The following ZNF292 variants were observed in gnomAD, a reference collection of about 807,000 sequenced individuals.
ZNF292 encodes zinc finger protein 292, also known as 16 zinc-finger domain protein.
Under a neutral mutation model 217.9 loss-of-function variants are expected in ZNF292, and 26 were observed. That is an observed-to-expected ratio of 0.12 (90% confidence interval 0.09 to 0.17). The LOEUF (loss-of-function observed/expected upper bound fraction) is 0.17. Among genes scored for constraint, ZNF292 ranks in the 10% least tolerant of loss-of-function variants. ZNF292 has a pLI of 1.00. For synonymous variants in ZNF292, 1,257 were observed against 1,124.1 expected (o/e 1.12, Z -2.37); for missense variants, 2,904 against 3,175.2 (o/e 0.91, Z 2.05).
chr6:87,194,080 T>C (rs1771893117), intron 1 of ZNF292, among the ~76,000 whole-genome samples: 2 of 152,090 alleles, frequency 1.3e-5, no homozygotes, highest in South Asian at 2.1e-4. Context: ...TAGGGAGAAT[T>C]GGAGCACGGG....
At chr6:87,234,028 T>G (rs189336132) in intron 5 of ZNF292, among the ~76,000 whole-genome samples, 1 of 152,332 alleles carries the variant, frequency 6.6e-6, no homozygotes, top group East Asian at 1.9e-4. Flanking sequence ...AAAACCTTAT[T>G]TTCTCTCTGA....
chr6:87,179,735 C>A (rs936981190), intron 1 of ZNF292, among the ~76,000 whole-genome samples: 31 of 151,996 alleles, frequency 2.0e-4, no homozygotes, highest in Admixed American at 2.6e-4. Context: ...AGTGTACATC[C>A]TCTGTTTGGA....
rs990046931 is a variant in ZNF292 at position 87,196,047 on chromosome 6, G to GA, written c.169-19847dup. Among the ~76,000 whole-genome samples the GA allele has an allele frequency of 4.0e-5, 6 of 149,206 alleles. No homozygotes were observed. In the East Asian group the frequency reaches 7.8e-4, roughly 19 times the overall value. Reference sequence around the variant, plus strand: ...CGTCTCAAAAAAAAAAAAACAAAAAGAAAAAAAAATTGAGAATTAGGATGT... The same window carrying GA: ...CGTCTCAAAAAAAAAAAAACAAAAAGAAAAAAAAAATTGAGAATTAGGATGT... On this transcript the variant is annotated intron_variant, in intron 1 of 7. Transcript: ENST00000369577.
At chr6:87,184,838 A>T (rs1080595) in intron 1 of ZNF292, among the ~76,000 whole-genome samples, 96,344 of 152,010 alleles carry the variant, frequency 0.63, 32,199 homozygotes, top group African/African-American at 0.86. Context: ...AGTCCTGGAG[A>T]ACAAAGGCCC....
rs1383007536 is a variant in ZNF292 at position 87,258,123 on chromosome 6, C to T, written c.4494C>T (p.Gly1498=). The T allele has an allele frequency of 1.9e-6, 3 of 1,612,318 alleles. No individual in the cohort carries two copies. Among genetic ancestry groups the T allele is most frequent in the Non-Finnish European group, 2.5e-6 (3 of 1,179,206 alleles). The change falls in exon 8 of 8, where the codon GGC becomes GGT. Residue 1498 remains glycine (G), a synonymous_variant. Transcript: ENST00000369577. ...TTAAACAGGCTTTGGAAACTGCTGG[C>T]ATTCCCAGTACATTTGAGGGTGCCG... ...EIIKQALETA[G]IPSTFEGAEM...
At chr6:87,190,315 T>C (rs1034282963) in intron 1 of ZNF292, among the ~76,000 whole-genome samples, 2 of 152,216 alleles carry the variant, frequency 1.3e-5, no homozygotes, top group Admixed American at 1.3e-4. Context: ...TAATGAACAT[T>C]GTCTTAGAAG....
chr6:87,224,075 C>A (rs1326697135), intron 4 of ZNF292: 2 of 152,184 alleles, frequency 1.3e-5, no homozygotes, highest in African/African-American at 2.4e-5. Context: ...TAGCTTTTTC[C>A]ACCATTGGCC....
At chr6:87,180,070 T>G (rs1442770759) in intron 1 of ZNF292, among the ~76,000 whole-genome samples, 2 of 152,242 alleles carry the variant, frequency 1.3e-5, no homozygotes, top group Non-Finnish European at 2.9e-5. Context: ...GTCCAATGTC[T>G]TGGCTTCCCT....
chr6:87,174,853 G>A (rs1051054357), intron 1 of ZNF292, among the ~76,000 whole-genome samples: 3 of 152,136 alleles, frequency 2.0e-5, no homozygotes, highest in African/African-American at 7.2e-5. Flanking sequence ...TGAAATTTAT[G>A]CAAATATACT....
chr6:87,224,402 G>A (rs1483837368), intron 4 of ZNF292, among the ~76,000 whole-genome samples: 1 of 149,942 alleles, frequency 6.7e-6, no homozygotes, highest in Non-Finnish European at 1.5e-5. Flanking sequence ...TGAAAATAGT[G>A]TCGTGTGTCC....
At chr6:87,219,795 G>A (rs1772986074) in intron 4 of ZNF292, among the ~76,000 whole-genome samples, 1 of 152,108 alleles carries the variant, frequency 6.6e-6, no homozygotes, top group Admixed American at 6.5e-5. Flanking sequence ...ACCTTGGAAG[G>A]AGATCCTTTC....
At chr6:87,240,044 C>T (rs1012764798) in intron 5 of ZNF292, among the ~76,000 whole-genome samples, 1 of 152,156 alleles carries the variant, frequency 6.6e-6, no homozygotes, top group African/African-American at 2.4e-5. Flanking sequence ...CAGACCACTG[C>T]ACTCCAGCCT....
chr6:87,248,158 G>A (rs971506168), intron 7 of ZNF292, among the ~76,000 whole-genome samples: 3 of 152,146 alleles, frequency 2.0e-5, no homozygotes, highest in African/African-American at 7.2e-5. Context: ...CTGAGATGCA[G>A]CATGATAACA....
At chr6:87,161,240 T>G (rs980267825) in intron 1 of ZNF292, among the ~76,000 whole-genome samples, 3 of 152,190 alleles carry the variant, frequency 2.0e-5, no homozygotes, top group African/African-American at 7.2e-5. Context: ...CATTTTGATA[T>G]AATAAATTCT....
At position 87,158,252 on chromosome 6, in the gene ZNF292, A is replaced by G. The variant is rs559621562; in HGVS notation, c.168+2493A>G. ...CACTTAAAAGTAATCTCCATTTGAA[A>G]CGATACAGAGTGTGTCTGATTTCCT... On this transcript the variant is annotated intron_variant, in intron 1 of 7. Coordinates refer to ENST00000369577, the MANE Select transcript of ZNF292 (RefSeq NM_015021.3). 1.7e-4 allele frequency among the ~76,000 whole-genome samples: 26 copies of G among 152,346 alleles called. No individual in the cohort carries two copies. In the South Asian group the frequency reaches 5.2e-3, roughly 30 times the overall value.
At chr6:87,170,222 T>C (rs1771056910) in intron 1 of ZNF292, 1 of 152,212 alleles carries the variant, frequency 6.6e-6, no homozygotes. Context: ...TTGAATCTGG[T>C]GATTTATTCC....
chr6:87,263,139 T>C lies in ZNF292; in HGVS notation c.*1338T>C, dbSNP rs1201880382. On this transcript the variant is annotated 3_prime_UTR_variant, in exon 8 of 8. Coordinates refer to ENST00000369577, the MANE Select transcript of ZNF292 (RefSeq NM_015021.3). Reference sequence around the variant, plus strand: ...ATAGTTAGCTCTTACAGTTTAGCTTTATTCACCATATTTATACTGTGGATT... The same window carrying C: ...ATAGTTAGCTCTTACAGTTTAGCTTCATTCACCATATTTATACTGTGGATT... 6.6e-6 allele frequency: 1 copy of C among 152,072 alleles called. No homozygotes were observed. Among genetic ancestry groups the C allele is most frequent in the African/African-American group, 2.4e-5 (1 of 41,468 alleles). The allele number at this position is 152,072 out of a possible 1,614,324, so 9.4% of individuals were successfully genotyped here.
chr6:87,252,461 A>G (rs1487342129), intron 7 of ZNF292, among the ~76,000 whole-genome samples: 1 of 152,004 alleles, frequency 6.6e-6, no homozygotes, highest in Non-Finnish European at 1.5e-5. Context: ...GCCTCTCTTA[A>G]TCCTTTTTTA....
intron 6 of ZNF292, among the ~76,000 whole-genome samples, chr6:87,244,827 T>A (rs186997657): frequency 9.2e-5 from 14 of 151,788 alleles, no homozygotes; most frequent in Admixed American, 9.2e-4. Flanking sequence ...TGATTTTTTT[T>A]ATATATATAT....
Sources: gnomAD v4.1 joint callset for allele counts (sites outside exome capture counted in the v4.1 genomes callset) on GRCh38, gnomAD v4.1.1 for gene constraint, MANE v1.5 for transcripts, NCBI Gene and HGNC (gene_info 2026-07-23, HGNC 2026-07-21) for gene names.